OPRK1: variants seen among roughly 807,000 people sequenced by gnomAD.
The protein encoded by OPRK1 is opioid receptor kappa 1.
OPRK1 carries 15 observed loss-of-function variants against 24.5 expected under a neutral mutation model. The observed-to-expected ratio is 0.61, with a 90% CI of 0.41 to 0.94. OPRK1 has a LOEUF of 0.94. Among genes scored for constraint, OPRK1 ranks in the 40% least tolerant of loss-of-function variants. OPRK1 has a pLI of 0.00. For synonymous variants in OPRK1, 205 were observed against 198.0 expected (o/e 1.04, Z -0.30); for missense variants, 479 against 507.3 (o/e 0.94, Z 0.54).
intron 2 of OPRK1, among the ~76,000 whole-genome samples, chr8:53,238,056 C>T (rs62505376): frequency 0.17 from 25,684 of 152,096 alleles, 2,840 homozygotes; most frequent in African/African-American, 0.32. Context: ...AGTTCTTCTG[C>T]GTACTACACT....
chr8:53,242,823 T>C, intron 2 of OPRK1: 1 of 1,259,514 alleles, frequency 7.9e-7, no homozygotes, highest in Non-Finnish European at 1.0e-6. Flanking sequence ...CCATTCTTAA[T>C]CCAAGGCTTC....
Position 53,225,880 on chromosome 8 carries a change from A to C in OPRK1, c.*3417T>G, listed in dbSNP as rs184471209. 1 of 152,708 alleles carries C rather than the reference A, an allele frequency of 6.5e-6. No individual in the cohort carries two copies. The allele number at this position is 152,708 out of a possible 1,614,324, so 9.5% of individuals were successfully genotyped here. On this transcript the variant is annotated 3_prime_UTR_variant, in exon 4 of 4. Coordinates refer to ENST00000265572, the MANE Select transcript of OPRK1 (RefSeq NM_000912.5). ...TGTTTCAGAGAAGAAAATTGCCTTAAGGAAGCTGGGTTATACCGTTTTTGG... is the reference window on the plus strand; with the variant it reads ...TGTTTCAGAGAAGAAAATTGCCTTACGGAAGCTGGGTTATACCGTTTTTGG...
At chr8:53,248,379 A>G (rs1013913708) in intron 2 of OPRK1, among the ~76,000 whole-genome samples, 4 of 152,198 alleles carry the variant, frequency 2.6e-5, no homozygotes, top group East Asian at 1.9e-4. Context: ...ATGATTTTCT[A>G]TAAGGTTGAA....
At chr8:53,231,727 T>C (rs1806858214) in intron 3 of OPRK1, among the ~76,000 whole-genome samples, 1 of 152,218 alleles carries the variant, frequency 6.6e-6, no homozygotes, top group African/African-American at 2.4e-5. Context: ...ACAGAATAAA[T>C]TGTTAAATAA....
At position 53,251,170 on chromosome 8, in the gene OPRK1, C is replaced by A. The variant is rs1228098872; in HGVS notation, c.-48-85G>T. 2.9e-6 allele frequency: 4 copies of A among 1,357,374 alleles called. No individual in the cohort carries two copies. The Admixed American group carries it at 1.0e-4, about 34-fold the overall frequency. 84.1% of individuals were successfully genotyped at this position (1,357,374 alleles called of 1,614,324 possible). On this transcript the variant is annotated intron_variant, in intron 1 of 3. Coordinates refer to ENST00000265572, the MANE Select transcript of OPRK1 (RefSeq NM_000912.5). ...AGCGGCGCTGGGGACCCGGAGCCTG[C>A]GGACTCCCACCCGGGCCGCAAGTCG...
chr8:53,229,700 G>T lies in OPRK1; in HGVS notation c.740C>A (p.Thr247Asn). ...IPVLIIIVCY[T>N]LMILRLKSVR... The stretch of plus-strand genomic sequence containing the variant: ...GCTCTTGAGACGCAGGATCATCAGG[G>T]TGTAGCAGACGATGATGATGAGGAC... The change falls in exon 4 of 4, where the codon ACC becomes AAC. Residue 247 changes from threonine to asparagine, a missense_variant. Thr to Asn is a moderately conservative substitution (Grantham distance 65). Coordinates refer to ENST00000265572, the MANE Select transcript of OPRK1 (RefSeq NM_000912.5). 1 of 1,614,150 alleles carries T rather than the reference G, an allele frequency of 6.2e-7. No homozygotes were observed. Among genetic ancestry groups the T allele is most frequent in the African/African-American group, 1.3e-5 (1 of 75,042 alleles).
chr8:53,229,194 A>T lies in OPRK1; in HGVS notation c.*103T>A, dbSNP rs181367549. On this transcript the variant is annotated 3_prime_UTR_variant, in exon 4 of 4. Transcript: ENST00000265572. ...TGAGATCTCTAAAAGTTTATTTTAA[A>T]TTCTATCTTTTCATGTCAGACTGCA... The T allele has an allele frequency of 1.5e-5, 21 of 1,366,602 alleles. No individual in the cohort carries two copies. The East Asian group carries it at 4.6e-4, about 30-fold the overall frequency. The allele number at this position is 1,366,602 out of a possible 1,614,324, so 84.7% of individuals were successfully genotyped here. A position where few individuals can be genotyped will look rare whatever the true frequency, so the allele number is the denominator to read the frequency against.
At position 53,235,002 on chromosome 8, in the gene OPRK1, A is replaced by G; in HGVS notation, c.367T>C (p.Ser123Pro). 6.2e-7 allele frequency: 1 copy of G among 1,614,238 alleles called. No homozygotes were observed. The highest frequency in any genetic ancestry group is 8.5e-7 in the Non-Finnish European group (1 of 1,180,050). Reference sequence around the variant, plus strand: ...CACAGCACATCCCCAAAAGGCCAGGAATTCATCAAGTAGACCGTACTCTGA... The same window carrying G: ...CACAGCACATCCCCAAAAGGCCAGGGATTCATCAAGTAGACCGTACTCTGA... ...PFQSTVYLMN[S>P]WPFGDVLCKI... is the part of the protein sequence containing the mutation. Residue 123 changes from serine (S) to proline (P), a missense_variant, in exon 3 of 4, where the codon TCC (serine) becomes CCC (proline). Transcript: ENST00000265572.
chr8:53,226,285 GGT>G lies in OPRK1; in HGVS notation c.*3010_*3011del, dbSNP rs1806682855. ...TAAACTCGAAGGATGCTCTTAGATT[GGT>G]AACTACTCTGAGATACTAAGAGTGT... On this transcript the variant is annotated 3_prime_UTR_variant, in exon 4 of 4. Coordinates refer to ENST00000265572, the MANE Select transcript of OPRK1 (RefSeq NM_000912.5). The G allele has an allele frequency of 6.6e-6, 1 of 152,070 alleles. No individual in the cohort carries two copies. The highest frequency in any genetic ancestry group is 1.5e-5 in the Non-Finnish European group (1 of 68,018). 9.4% of individuals were successfully genotyped at this position (152,070 alleles called of 1,614,324 possible).
At chr8:53,233,858 A>G (rs1222742083) in intron 3 of OPRK1, among the ~76,000 whole-genome samples, 1 of 152,032 alleles carries the variant, frequency 6.6e-6, no homozygotes, top group Non-Finnish European at 1.5e-5. Flanking sequence ...GGTGATTCCA[A>G]TGTGCAGCCC....
At chr8:53,246,385 A>T (rs960337398) in intron 2 of OPRK1, among the ~76,000 whole-genome samples, 2 of 152,172 alleles carry the variant, frequency 1.3e-5, no homozygotes, top group East Asian at 3.8e-4. Context: ...AAGAGTAGGG[A>T]TTACTCCTCC....
At position 53,229,349 on chromosome 8, in the gene OPRK1, A is replaced by G; in HGVS notation, c.1091T>C (p.Val364Ala). 1 of 1,614,172 alleles carries G rather than the reference A, an allele frequency of 6.2e-7. No homozygotes were observed. The highest frequency in any genetic ancestry group is 8.5e-7 in the Non-Finnish European group (1 of 1,180,032). ...GTCCCTCAGGTAAGCAGGATCCTGAACTGTATTTCGGACTCTGCTAGTGCT... is the reference window on the plus strand; with the variant it reads ...GTCCCTCAGGTAAGCAGGATCCTGAGCTGTATTTCGGACTCTGCTAGTGCT... ...RQSTSRVRNT[V>A]QDPAYLRDID... The change falls in exon 4 of 4, where the codon GTT (valine) becomes GCT (alanine). Residue 364 changes from valine (V) to alanine (A), a missense_variant. Coordinates refer to ENST00000265572, the MANE Select transcript of OPRK1 (RefSeq NM_000912.5).
chr8:53,235,217 A>G (rs1219992784), intron 2 of OPRK1, 106 bp from the exon 3 acceptor site: 1 of 865,122 alleles, frequency 1.2e-6, no homozygotes, highest in African/African-American at 1.7e-5. Context: ...TCTTCATTCA[A>G]TTATTCTTAT....
rs369426050 is a variant in OPRK1, at chr8:53,250,069, C to CCACACACACA, written c.257+702_257+711dup. Reference sequence around the variant, plus strand: ...ATTGGAAGTTGACTTGAAGAAATTTCCACACACACACACACACACACACAC... The same window carrying CCACACACACA: ...ATTGGAAGTTGACTTGAAGAAATTTCCACACACACACACACACACACACACACACACACAC... On this transcript the variant is annotated intron_variant, in intron 2 of 3. Coordinates refer to ENST00000265572, the MANE Select transcript of OPRK1 (RefSeq NM_000912.5). Among the ~76,000 whole-genome samples, 757 of 130,492 alleles carry CCACACACACA rather than the reference C, an allele frequency of 5.8e-3. 8 individuals carry two copies. Among genetic ancestry groups the CCACACACACA allele is most frequent in the African/African-American group, 0.018 (699 of 37,970 alleles). 85.6% of individuals were successfully genotyped at this position (130,492 alleles called of 152,430 possible). A position where few individuals can be genotyped will look rare whatever the true frequency, so the allele number is the denominator to read the frequency against.
chr8:53,246,270 T>C (rs1031148822), intron 2 of OPRK1, among the ~76,000 whole-genome samples: 1 of 152,008 alleles, frequency 6.6e-6, no homozygotes, highest in African/African-American at 2.4e-5. Flanking sequence ...CAAGTGAAAG[T>C]GGCCTAAAAC....
chr8:53,233,017 T>A (rs1585629344), intron 3 of OPRK1, among the ~76,000 whole-genome samples: 2 of 152,208 alleles, frequency 1.3e-5, no homozygotes, highest in African/African-American at 4.8e-5. Flanking sequence ...AACAAAATCC[T>A]ATGTGTGATT....
Position 53,235,043 on chromosome 8 carries a change from G to A in OPRK1, c.326C>T (p.Thr109Ile). ...FNLALADALV[T>I]TTMPFQSTVY... is the part of the protein sequence containing the mutation. ...CGTACTCTGAAAGGGCATGGTTGTA[G>A]TAACTAAAGCATCTGCCAAAGCCAG... Residue 109 changes from threonine to isoleucine, a missense_variant, in exon 3 of 4, where the codon ACT becomes ATT. Physicochemically the swap from Thr to Ile is moderately conservative, Grantham distance 89. Coordinates refer to ENST00000265572, the MANE Select transcript of OPRK1 (RefSeq NM_000912.5). 2 of 1,614,234 alleles carry A rather than the reference G, an allele frequency of 1.2e-6. No homozygotes were observed. Among genetic ancestry groups the A allele is most frequent in the South Asian group, 1.1e-5 (1 of 91,088 alleles).
rs7832417 is a variant in OPRK1, at chr8:53,226,058, G to C, written c.*3239C>G. On this transcript the variant is annotated 3_prime_UTR_variant, in exon 4 of 4. Transcript: ENST00000265572. The stretch of plus-strand genomic sequence containing the variant: ...GCTCCCTGAATTTGCATGAGTCATC[G>C]TATTTCATCCCAGGACTAGATGAAA... The C allele has an allele frequency of 6.6e-6, 1 of 151,938 alleles. No homozygotes were observed. The highest frequency in any genetic ancestry group is 2.4e-5 in the African/African-American group (1 of 41,328). 9.4% of individuals were successfully genotyped at this position (151,938 alleles called of 1,614,324 possible).
intron 2 of OPRK1, 56 bp downstream of exon 2, chr8:53,250,725 T>G: frequency 6.7e-7 from 1 of 1,497,540 alleles, no homozygotes; most frequent in South Asian, 1.3e-5. Context: ...TGGCGGGGCC[T>G]GACCCTCACT....
Sources: gnomAD v4.1 joint callset for allele counts (sites outside exome capture counted in the v4.1 genomes callset) on GRCh38, gnomAD v4.1.1 for gene constraint, MANE v1.5 for transcripts, NCBI Gene and HGNC (gene_info 2026-07-23, HGNC 2026-07-21) for gene names.